Variants in IQCH observed in about 807,000 individuals in gnomAD.
The protein encoded by IQCH is IQ domain-containing protein H.
Under a neutral mutation model 117.0 loss-of-function variants are expected in IQCH, and 98 were observed. That is an observed-to-expected ratio of 0.84 (90% CI 0.71 to 0.99). IQCH has a LOEUF of 0.99. Among genes scored for constraint, IQCH ranks in the 50% least tolerant of loss-of-function variants. IQCH has a pLI of 0.00. For synonymous variants in IQCH, 412 were observed against 448.2 expected, an observed-to-expected ratio of 0.92 and a Z score of 1.02; for missense variants, 1,102 against 1,243.8, an observed-to-expected ratio of 0.89 and a Z score of 1.72.
At chr15:67,389,232 C>T (rs1971203680) in intron 12 of IQCH, among the ~76,000 whole-genome samples, 1 of 152,146 alleles carries the variant, frequency 6.6e-6, no homozygotes, top group Non-Finnish European at 1.5e-5. Context: ...TAGCCTAATT[C>T]CAGTTACTAG....
At chr15:67,421,068 CA>C in intron 15 of IQCH, 1 of 559,460 alleles carries the variant, frequency 1.8e-6, no homozygotes, top group South Asian at 2.2e-5. Context: ...TACAATATAC[CA>C]AGCGCTGGGC....
Position 67,311,568 on chromosome 15 carries a change from TATATA to T in IQCH, c.388-25400_388-25396del, listed in dbSNP as rs1415171944. Among the ~76,000 whole-genome samples, 20 of 148,182 alleles carry T rather than the reference TATATA, an allele frequency of 1.3e-4. No homozygotes were observed. In the South Asian group the frequency reaches 3.1e-3, roughly 23 times the overall value. The stretch of plus-strand genomic sequence containing the variant: ...ATAATATAAATACATATATAGTAAA[TATATA>T]ATATAAATATTTATATAATATATAA... On this transcript the variant is annotated intron_variant, in intron 4 of 20. Transcript: ENST00000335894.
Position 67,359,344 on chromosome 15 carries a change from G to A in IQCH, c.715-503G>A, listed in dbSNP as rs1970037322. 6.6e-6 allele frequency among the ~76,000 whole-genome samples: 1 copy of A among 152,236 alleles called. No individual in the cohort carries two copies. Among genetic ancestry groups the A allele is most frequent in the Non-Finnish European group, 1.5e-5 (1 of 68,040 alleles). ...AAGCTCTCCCCAACTGCTGGAAACAGTAATATTTAATGACTTTTTCCTGTG... is the reference window on the plus strand; with the variant it reads ...AAGCTCTCCCCAACTGCTGGAAACAATAATATTTAATGACTTTTTCCTGTG... On this transcript the variant is annotated intron_variant, in intron 7 of 20. Transcript: ENST00000335894. The surrounding 1 kb of genome is among the most constrained non-coding windows in gnomAD (Gnocchi z 4.5).
Position 67,364,596 on chromosome 15 carries a change from A to AT in IQCH, c.753+4717dup, listed in dbSNP as rs1970267215. Among the ~76,000 whole-genome samples, 1 of 152,150 alleles carries AT rather than the reference A, an allele frequency of 6.6e-6. No homozygotes were observed. Among genetic ancestry groups the AT allele is most frequent in the Non-Finnish European group, 1.5e-5 (1 of 68,004 alleles). ...ATTATCAGCCAACAAGATAATCTGTATTTTTTCACTTTATCTCTTTCATTG... is the reference window on the plus strand; with the variant it reads ...ATTATCAGCCAACAAGATAATCTGTATTTTTTTCACTTTATCTCTTTCATTG... On this transcript the variant is annotated intron_variant, in intron 8 of 20. Coordinates refer to ENST00000335894, the MANE Select transcript of IQCH (RefSeq NM_001031715.3). This position sits in a 1 kb window ranked among gnomAD's most constrained non-coding sequence, Gnocchi z 4.1.
intron 4 of IQCH, among the ~76,000 whole-genome samples, chr15:67,310,087 TGTAA>T (rs1285200317): frequency 2.0e-5 from 3 of 147,736 alleles, no homozygotes; most frequent in African/African-American, 7.4e-5. Context: ...TACATCCTAG[TGTAA>T]GTGAGTAATA....
At position 67,489,596 on chromosome 15, in the gene IQCH, G is replaced by A. The variant is rs186447427; in HGVS notation, c.2800-407G>A. Among the ~76,000 whole-genome samples, 80 of 151,930 alleles carry A rather than the reference G, an allele frequency of 5.3e-4. 1 individual carries two copies. The highest frequency in any genetic ancestry group is 4.0e-4 in the Non-Finnish European group (27 of 67,968). On this transcript the variant is annotated intron_variant, in intron 18 of 20. Coordinates refer to ENST00000335894, the MANE Select transcript of IQCH (RefSeq NM_001031715.3). The stretch of plus-strand genomic sequence containing the variant: ...CTCCCAAAGTGCTGGAATTACAGGC[G>A]TGAGTCACCGTGCCCAGCCTCCCCT...
At chr15:67,263,796 G>C (rs181450681) in intron 3 of IQCH, among the ~76,000 whole-genome samples, 14 of 152,234 alleles carry the variant, frequency 9.2e-5, no homozygotes, top group African/African-American at 2.9e-4. Context: ...AATAAAACTT[G>C]CTTGAAATAT....
chr15:67,464,489 AT>A (rs1325394739), intron 16 of IQCH, among the ~76,000 whole-genome samples: 2 of 152,168 alleles, frequency 1.3e-5, no homozygotes, highest in Non-Finnish European at 2.9e-5. Flanking sequence ...TATTCTTCTA[AT>A]AACACTGTGA....
At chr15:67,373,740 T>C in intron 10 of IQCH, 1 of 461,060 alleles carries the variant, frequency 2.2e-6, no homozygotes, top group Non-Finnish European at 3.9e-6. Flanking sequence ...AGATAATGTT[T>C]TCGATCTTCT....
intron 3 of IQCH, among the ~76,000 whole-genome samples, chr15:67,266,230 T>A (rs775283209): frequency 3.3e-5 from 5 of 151,914 alleles, no homozygotes; most frequent in East Asian, 3.8e-4. Flanking sequence ...TAAGTATTTT[T>A]AAAAATTTTT....
chr15:67,392,785 CAAA>C (rs33923178), intron 12 of IQCH, among the ~76,000 whole-genome samples: 2 of 113,428 alleles, frequency 1.8e-5, no homozygotes, highest in African/African-American at 3.5e-5. Flanking sequence ...CCTGCTTCCA[CAAA>C]AAAAAAAAAA....
At position 67,465,105 on chromosome 15, in the gene IQCH, C is replaced by T; in HGVS notation, c.2506-22C>T. The T allele has an allele frequency of 6.2e-7, 1 of 1,610,548 alleles. No individual in the cohort carries two copies. The highest frequency in any genetic ancestry group is 8.5e-7 in the Non-Finnish European group (1 of 1,177,620). On this transcript the variant is annotated intron_variant, in intron 16 of 20. Coordinates refer to ENST00000335894, the MANE Select transcript of IQCH (RefSeq NM_001031715.3). This position sits in a 1 kb window ranked among gnomAD's most constrained non-coding sequence, Gnocchi z 5.9. ...CTGTTTGCTGATTTCACCCTCACTT[C>T]TACGGCTCCTGTTTTAATCAGGTGT...
At chr15:67,268,859 T>G (rs1262119718) in intron 3 of IQCH, among the ~76,000 whole-genome samples, 1 of 152,214 alleles carries the variant, frequency 6.6e-6, no homozygotes, top group Non-Finnish European at 1.5e-5. Context: ...GGCATTCGCA[T>G]GCTCACTGTT....
chr15:67,326,102 G>A (rs1336930186), intron 4 of IQCH, among the ~76,000 whole-genome samples: 2 of 152,104 alleles, frequency 1.3e-5, no homozygotes, highest in African/African-American at 4.8e-5. Context: ...ATCTCCTAAT[G>A]CTGTCCCTCC....
At position 67,459,530 on chromosome 15, in the gene IQCH, T is replaced by C. The variant is rs2082739182; in HGVS notation, c.2506-5597T>C. Among the ~76,000 whole-genome samples the C allele has an allele frequency of 6.6e-6, 1 of 152,084 alleles. No individual in the cohort carries two copies. Among genetic ancestry groups the C allele is most frequent in the African/African-American group, 2.4e-5 (1 of 41,436 alleles). ...GCAGCCTCCATCTGCTGAGAACACC[T>C]CAGGCAAAAAGGGCTCAAGACCAGG... is the stretch of plus-strand genomic sequence containing the variant. On this transcript the variant is annotated intron_variant, in intron 16 of 20. Coordinates refer to ENST00000335894, the MANE Select transcript of IQCH (RefSeq NM_001031715.3). The surrounding 1 kb of genome is among the most constrained non-coding windows in gnomAD (Gnocchi z 4.2).
intron 16 of IQCH, among the ~76,000 whole-genome samples, chr15:67,451,299 C>A: frequency 6.6e-6 from 1 of 152,022 alleles, no homozygotes; most frequent in South Asian, 2.1e-4. Context: ...TTTTCTAGTT[C>A]TTTTAATTGT....
chr15:67,444,643 A>G lies in IQCH; in HGVS notation c.2506-20484A>G, dbSNP rs77020075. On this transcript the variant is annotated intron_variant, in intron 16 of 20. Transcript: ENST00000335894. ...AAAGTGCAAGATAAATGCCATCTAG[A>G]TATCTATTATGGGTTTTATCTTTCT... 2.0e-4 allele frequency among the ~76,000 whole-genome samples: 31 copies of G among 152,310 alleles called. No individual in the cohort carries two copies. The East Asian group carries it at 6.0e-3, about 29-fold the overall frequency.
chr15:67,487,699 G>C (rs2083529707), intron 18 of IQCH, among the ~76,000 whole-genome samples: 1 of 152,048 alleles, frequency 6.6e-6, no homozygotes, highest in Admixed American at 6.5e-5. Context: ...CTAATGTGCA[G>C]CCAGCGTTGG....
At chr15:67,331,291 C>T (rs1968654779) in intron 4 of IQCH, among the ~76,000 whole-genome samples, 2 of 152,010 alleles carry the variant, frequency 1.3e-5, no homozygotes, top group African/African-American at 2.4e-5. Flanking sequence ...ACAATTACTT[C>T]ACATTATACT....
Sources: gnomAD v4.1 joint callset for allele counts (sites outside exome capture counted in the v4.1 genomes callset) on GRCh38, gnomAD v4.1.1 for gene constraint, Gnocchi (gnomAD v3.1) non-coding constraint, MANE v1.5 for transcripts, NCBI Gene and HGNC (gene_info 2026-07-23, HGNC 2026-07-21) for gene names.